TMEM135: variants seen among roughly 807,000 people sequenced by gnomAD.
TMEM135 encodes the protein transmembrane protein 135.
A neutral mutation model predicts 60.3 loss-of-function variants in TMEM135; 30 were observed. The observed-to-expected ratio is 0.50, with a 90% CI of 0.37 to 0.68. The LOEUF is 0.68. Ranked by LOEUF, TMEM135 falls within the 30% of genes least tolerant of loss-of-function variation. The pLI is 0.00. For synonymous variants in TMEM135, 190 were observed against 186.7 expected, an observed-to-expected ratio of 1.02 and a Z score of -0.14; for missense variants, 468 against 548.8, an observed-to-expected ratio of 0.85 and a Z score of 1.47.
At position 87,291,515 on chromosome 11, in the gene TMEM135, A is replaced by ATTTTTTTTTT. The variant is rs869273724; in HGVS notation, c.510-4242_510-4233dup. On this transcript the variant is annotated intron_variant, in intron 6 of 14. Transcript: ENST00000305494. The stretch of plus-strand genomic sequence containing the variant: ...TGTAAGTCTATCCAGCAGCCAAGTG[A>ATTTTTTTTTT]TTTTTTTTTTTTTTTTTTTTTTTTT... Among the ~76,000 whole-genome samples the ATTTTTTTTTT allele has an allele frequency of 1.4e-4, 7 of 50,570 alleles. 1 individual carries two copies. Among genetic ancestry groups the ATTTTTTTTTT allele is most frequent in the Non-Finnish European group, 1.7e-4 (5 of 28,638 alleles). 33.2% of individuals were successfully genotyped at this position (50,570 alleles called of 152,430 possible).
chr11:87,143,679 A>G (rs1340534172), intron 4 of TMEM135, among the ~76,000 whole-genome samples: 3 of 152,134 alleles, frequency 2.0e-5, no homozygotes, highest in Non-Finnish European at 4.4e-5. Context: ...TCCAACATGT[A>G]TGCAAAATTA....
chr11:87,133,812 G>A (rs376009442), intron 4 of TMEM135, among the ~76,000 whole-genome samples: 53 of 151,776 alleles, frequency 3.5e-4, no homozygotes, highest in African/African-American at 1.2e-3. Context: ...TTTTTATCTG[G>A]CCTCTTTCAG....
intron 4 of TMEM135, among the ~76,000 whole-genome samples, chr11:87,129,601 G>A (rs1937854808): frequency 6.8e-6 from 1 of 147,752 alleles, no homozygotes; most frequent in South Asian, 2.2e-4. Context: ...AGTGGAGTGG[G>A]GCAATCTGGG....
chr11:87,288,083 T>G (rs1191527804), intron 6 of TMEM135, among the ~76,000 whole-genome samples: 2 of 152,216 alleles, frequency 1.3e-5, no homozygotes, highest in African/African-American at 4.8e-5. Context: ...TCATCCAACT[T>G]CAATAGGTAG....
At chr11:87,184,427 C>G (rs572666781) in intron 5 of TMEM135, among the ~76,000 whole-genome samples, 2 of 152,146 alleles carry the variant, frequency 1.3e-5, no homozygotes, top group South Asian at 4.2e-4. Context: ...AAGAAAATGG[C>G]CTTTGGGTAA....
At chr11:87,168,555 A>C (rs575269364) in intron 5 of TMEM135, among the ~76,000 whole-genome samples, 6 of 151,882 alleles carry the variant, frequency 4.0e-5, no homozygotes, top group African/African-American at 1.5e-4. Flanking sequence ...CCTTACTTTC[A>C]TTATTTACCG....
At chr11:87,118,240 A>G (rs1210267955) in intron 4 of TMEM135, among the ~76,000 whole-genome samples, 1 of 152,148 alleles carries the variant, frequency 6.6e-6, no homozygotes, top group Non-Finnish European at 1.5e-5. Context: ...GTAAATGGTC[A>G]TTGGCTTAAA....
At chr11:87,175,151 A>G (rs1475138233) in intron 5 of TMEM135, among the ~76,000 whole-genome samples, 3 of 152,162 alleles carry the variant, frequency 2.0e-5, no homozygotes, top group Admixed American at 2.0e-4. Flanking sequence ...ATATCTTGAT[A>G]TTTATTTCAG....
chr11:87,265,464 C>T (rs1941729058), intron 6 of TMEM135, among the ~76,000 whole-genome samples: 1 of 151,880 alleles, frequency 6.6e-6, no homozygotes, highest in Non-Finnish European at 1.5e-5. Flanking sequence ...GTCTATTACT[C>T]CTCAATGTTT....
chr11:87,180,935 C>T (rs1427494142), intron 5 of TMEM135, among the ~76,000 whole-genome samples: 1 of 152,224 alleles, frequency 6.6e-6, no homozygotes, highest in African/African-American at 2.4e-5. Flanking sequence ...AACCACGACT[C>T]AGGGAAATCA....
At chr11:87,175,161 G>T (rs1939336438) in intron 5 of TMEM135, among the ~76,000 whole-genome samples, 1 of 152,130 alleles carries the variant, frequency 6.6e-6, no homozygotes, top group Admixed American at 6.6e-5. Flanking sequence ...ATTTATTTCA[G>T]TTCTCCAATT....
chr11:87,180,478 A>G (rs2135302224), intron 5 of TMEM135, among the ~76,000 whole-genome samples: 1 of 152,240 alleles, frequency 6.6e-6, no homozygotes, highest in East Asian at 1.9e-4. Context: ...GGAGACAGAT[A>G]GTGTTGGGGA....
At chr11:87,142,414 G>T (rs969384368) in intron 4 of TMEM135, among the ~76,000 whole-genome samples, 3 of 152,166 alleles carry the variant, frequency 2.0e-5, no homozygotes, top group African/African-American at 7.2e-5. Flanking sequence ...GTGTGCAAAA[G>T]ATTCTTTTGG....
At chr11:87,065,925 G>A (rs1019848169) in intron 1 of TMEM135, among the ~76,000 whole-genome samples, 2 of 152,164 alleles carry the variant, frequency 1.3e-5, no homozygotes, top group African/African-American at 4.8e-5. Flanking sequence ...ATAGCTTACT[G>A]CTGTTGTTTG....
chr11:87,234,146 C>G (rs868638007), intron 5 of TMEM135, among the ~76,000 whole-genome samples: 19 of 151,958 alleles, frequency 1.3e-4, no homozygotes, highest in Admixed American at 5.9e-4. Context: ...TGGCTTTTCT[C>G]TTATAGTGTC....
chr11:87,286,210 A>G (rs1942161805), intron 6 of TMEM135, among the ~76,000 whole-genome samples: 1 of 152,062 alleles, frequency 6.6e-6, no homozygotes, highest in Admixed American at 6.5e-5. Context: ...CTTGAGCTAG[A>G]CACAGGGTGC....
intron 4 of TMEM135, among the ~76,000 whole-genome samples, chr11:87,106,521 T>C (rs961891828): frequency 6.6e-6 from 1 of 152,214 alleles, no homozygotes; most frequent in Middle Eastern, 3.2e-3. Flanking sequence ...TGTAATTTTC[T>C]TTTCTTGAAG....
chr11:87,313,367 T>A, intron 10 of TMEM135, 58 bp from the exon 11 acceptor site: 1 of 1,420,606 alleles, frequency 7.0e-7, no homozygotes, highest in East Asian at 2.3e-5. Context: ...GTTTTTGTTT[T>A]ATGCTTTTAT....
intron 6 of TMEM135, among the ~76,000 whole-genome samples, chr11:87,284,667 GA>G (rs1942131349): frequency 6.6e-6 from 1 of 152,198 alleles, no homozygotes; most frequent in Non-Finnish European, 1.5e-5. Context: ...TATCAGAATA[GA>G]AAATAATATT....
Sources: allele counts gnomAD v4.1 joint callset (sites outside exome capture counted in the v4.1 genomes callset), GRCh38; gene constraint gnomAD v4.1.1; transcripts MANE v1.5; gene names NCBI Gene and HGNC (gene_info 2026-07-23, HGNC 2026-07-21).